NELL1: variants seen among roughly 807,000 people sequenced by gnomAD.
NELL1 encodes the protein neural EGFL like 1, also known as protein kinase C-binding protein NELL1.
NELL1 carries 76 observed loss-of-function variants against 107.4 expected under a neutral mutation model. The ratio of observed to expected loss-of-function variants is 0.71; its 90% CI spans 0.59 to 0.86. The LOEUF (loss-of-function observed/expected upper bound fraction) is 0.86, where lower values mean the gene tolerates loss of function less well. NELL1 is among the 40% of genes least tolerant of loss of function. NELL1 has a pLI of 0.00. For missense variants in NELL1, 1,024 were observed against 1,005.5 expected (o/e 1.02, Z -0.25); for synonymous variants, 353 against 341.2 (o/e 1.03, Z -0.38).
intron 15 of NELL1, among the ~76,000 whole-genome samples, chr11:21,469,317 A>G (rs984221127): frequency 1.3e-5 from 2 of 152,020 alleles, no homozygotes; most frequent in Non-Finnish European, 2.9e-5. Flanking sequence ...TGGATTTTGT[A>G]TGAGCCCTAG....
chr11:21,153,112 A>G (rs1478207210), intron 13 of NELL1, among the ~76,000 whole-genome samples: 5 of 152,208 alleles, frequency 3.3e-5, no homozygotes, highest in African/African-American at 1.2e-4. Context: ...TTCTTAGAGT[A>G]GATGGATTTT....
At chr11:20,791,819 T>C (rs1590298482) in intron 3 of NELL1, among the ~76,000 whole-genome samples, 2 of 151,720 alleles carry the variant, frequency 1.3e-5, no homozygotes, top group East Asian at 3.9e-4. Context: ...GTTTCTGTTA[T>C]GAAGGGTGTT....
At chr11:21,216,552 C>T (rs1380673034) in intron 13 of NELL1, among the ~76,000 whole-genome samples, 1 of 152,234 alleles carries the variant, frequency 6.6e-6, no homozygotes, top group East Asian at 1.9e-4. Context: ...AACACCATGG[C>T]AGCCCACCTC....
At chr11:21,003,354 A>G (rs1852264173) in intron 12 of NELL1, among the ~76,000 whole-genome samples, 1 of 152,212 alleles carries the variant, frequency 6.6e-6, no homozygotes, top group Non-Finnish European at 1.5e-5. Context: ...AAGATATACA[A>G]TGCAAAGAAC....
chr11:20,770,692 T>A (rs999753442), intron 2 of NELL1: 2 of 152,098 alleles, frequency 1.3e-5, no homozygotes, highest in African/African-American at 4.8e-5. Flanking sequence ...TTTAGGACAG[T>A]GGAAATAAAG....
intron 12 of NELL1, among the ~76,000 whole-genome samples, chr11:21,007,334 T>A (rs1852348789): frequency 2.0e-5 from 3 of 152,054 alleles, no homozygotes; most frequent in Admixed American, 2.0e-4. Flanking sequence ...ACATGTGACA[T>A]TGATAGGATT....
intron 15 of NELL1, among the ~76,000 whole-genome samples, chr11:21,376,472 G>C (rs1851482621): frequency 6.6e-6 from 1 of 152,040 alleles, no homozygotes; most frequent in Non-Finnish European, 1.5e-5. Flanking sequence ...TTTGTTGTCA[G>C]GTAGTGTGTG....
At chr11:20,763,270 C>T (rs1856461682) in intron 2 of NELL1, among the ~76,000 whole-genome samples, 1 of 152,112 alleles carries the variant, frequency 6.6e-6, no homozygotes, top group South Asian at 2.1e-4. Context: ...GCAAGCCCTC[C>T]CACTGTAGCC....
At chr11:20,755,545 T>TTTTATTTTA (rs1564894973) in intron 2 of NELL1, among the ~76,000 whole-genome samples, 4 of 40,498 alleles carry the variant, frequency 9.9e-5, no homozygotes, top group Non-Finnish European at 5.4e-5. Context: ...TTTTTGTTTT[T>TTTTATTTTA]TTTTGTTTTT....
rs571549139 is a variant in NELL1 at position 21,560,085 on chromosome 11, G to A, written c.1787-104G>A. On this transcript the variant is annotated intron_variant, in intron 16 of 19. Coordinates refer to ENST00000357134, the MANE Select transcript of NELL1 (RefSeq NM_006157.5). ...AACAGCTTGGCAGTACCTAGCACAAGGTAAATGGTCGATGATGTTAGTTAA... is the reference window on the plus strand; with the variant it reads ...AACAGCTTGGCAGTACCTAGCACAAAGTAAATGGTCGATGATGTTAGTTAA... The A allele has an allele frequency of 2.5e-4, 273 of 1,084,822 alleles. 3 individuals are homozygous for A. The South Asian group carries it at 3.4e-3, about 14-fold the overall frequency. 67.2% of individuals were successfully genotyped at this position (1,084,822 alleles called of 1,614,324 possible). A position where few individuals can be genotyped will look rare whatever the true frequency, so the allele number is the denominator to read the frequency against.
At chr11:21,469,838 A>G (rs1217079401) in intron 15 of NELL1, among the ~76,000 whole-genome samples, 1 of 152,062 alleles carries the variant, frequency 6.6e-6, no homozygotes, top group Non-Finnish European at 1.5e-5. Flanking sequence ...TTGTACAAGT[A>G]TAAGTAGCAC....
intron 2 of NELL1, among the ~76,000 whole-genome samples, chr11:20,736,158 TG>T (rs2133928046): frequency 6.6e-6 from 1 of 152,126 alleles, no homozygotes; most frequent in East Asian, 1.9e-4. Flanking sequence ...TGAGGGCAAG[TG>T]GGGGGTGAAG....
chr11:21,492,773 A>T (rs1854862228), intron 15 of NELL1, among the ~76,000 whole-genome samples: 1 of 150,394 alleles, frequency 6.6e-6, no homozygotes, highest in Non-Finnish European at 1.5e-5. Context: ...GAGGGATAGC[A>T]TTAGGAGATA....
rs531098646 is a variant in NELL1 at position 20,675,767 on chromosome 11, T to TC, written c.56-2165_56-2164insC. 3.2e-3 allele frequency among the ~76,000 whole-genome samples: 481 copies of TC among 152,196 alleles called. 3 individuals carry two copies. The highest frequency in any genetic ancestry group is 0.011 in the African/African-American group (449 of 41,528). ...TCTCTCCCACTTTGGCCTCTCTTCTTTTTTCTTTTCTTTTCTTTTTTTTTG... is the reference window on the plus strand; with the variant it reads ...TCTCTCCCACTTTGGCCTCTCTTCTTCTTTTCTTTTCTTTTCTTTTTTTTTG... On this transcript the variant is annotated intron_variant, in intron 1 of 19. Transcript: ENST00000357134.
chr11:21,100,174 G>A (rs922438035), intron 12 of NELL1, among the ~76,000 whole-genome samples: 5 of 151,854 alleles, frequency 3.3e-5, no homozygotes, highest in South Asian at 2.1e-4. Flanking sequence ...GCAGCACCAC[G>A]CCTGGATAAT....
intron 15 of NELL1, among the ~76,000 whole-genome samples, chr11:21,526,603 A>G (rs952039511): frequency 2.0e-5 from 3 of 152,214 alleles, no homozygotes; most frequent in Admixed American, 2.0e-4. Flanking sequence ...CTGGACATCC[A>G]GGCATTTCCG....
In NELL1 at chr11:21,132,791, T is replaced by C. The variant is rs184294424; in HGVS notation, c.1426+19077T>C. ...TGAGCAGTGGGGTGGGGGAGGGGAG[T>C]GTTAGAGGGGGTTCAGTGCATGTTT... On this transcript the variant is annotated intron_variant, in intron 13 of 19. Transcript: ENST00000357134. Among the ~76,000 whole-genome samples, 104 of 149,320 alleles carry C rather than the reference T, an allele frequency of 7.0e-4. 2 individuals carry two copies. In the East Asian group the frequency reaches 0.02, roughly 28 times the overall value.
chr11:21,288,173 C>G (rs1849170787), intron 14 of NELL1, among the ~76,000 whole-genome samples: 1 of 152,112 alleles, frequency 6.6e-6, no homozygotes, highest in East Asian at 1.9e-4. Context: ...GAAGGGCTTA[C>G]TCCTAATGGC....
intron 14 of NELL1, among the ~76,000 whole-genome samples, chr11:21,299,990 C>T (rs1339973323): frequency 6.6e-6 from 1 of 151,970 alleles, no homozygotes; most frequent in Non-Finnish European, 1.5e-5. Flanking sequence ...GAAACCCCGA[C>T]CTCTTGTGAC....
Sources: gnomAD v4.1 joint callset for allele counts (sites outside exome capture counted in the v4.1 genomes callset) on GRCh38, gnomAD v4.1.1 for gene constraint, MANE v1.5 for transcripts, NCBI Gene and HGNC (gene_info 2026-07-23, HGNC 2026-07-21) for gene names.